Variants in DLG2 observed in about 807,000 individuals in gnomAD.
DLG2 encodes the protein discs large MAGUK scaffold protein 2.
In DLG2, 45 loss-of-function variants were observed where a neutral mutation model predicts 132.5. The ratio of observed to expected loss-of-function variants is 0.34; its 90% confidence interval spans 0.27 to 0.44. The LOEUF (loss-of-function observed/expected upper bound fraction) is 0.44. DLG2 is among the 20% of genes least tolerant of loss of function. The pLI, the probability that DLG2 is intolerant of heterozygous loss-of-function variation, is 1.00. For missense variants in DLG2, 1,045 were observed against 1,196.9 expected, an observed-to-expected ratio of 0.87 and a Z score of 1.87; for synonymous variants, 424 against 419.6, an observed-to-expected ratio of 1.01 and a Z score of -0.13.
At chr11:84,191,847 A>T (rs545015475) in intron 8 of DLG2, among the ~76,000 whole-genome samples, 1 of 152,244 alleles carries the variant, frequency 6.6e-6, no homozygotes, top group Admixed American at 6.5e-5. Context: ...ACATTCTGTC[A>T]AACAACTGAA....
chr11:84,642,436 G>A (rs1165111316), intron 6 of DLG2, among the ~76,000 whole-genome samples: 1 of 151,974 alleles, frequency 6.6e-6, no homozygotes, highest in Admixed American at 6.6e-5. Flanking sequence ...ATTTTAAAGT[G>A]ACGGAAAGAG....
intron 6 of DLG2, among the ~76,000 whole-genome samples, chr11:84,777,799 ATTAT>A (rs1250359109): frequency 6.6e-6 from 1 of 151,338 alleles, no homozygotes; most frequent in African/African-American, 2.4e-5. Flanking sequence ...TTTTAATGGG[ATTAT>A]TTGTTGATTT....
At chr11:85,485,820 C>T (rs748803522) in intron 3 of DLG2, among the ~76,000 whole-genome samples, 7 of 152,154 alleles carry the variant, frequency 4.6e-5, no homozygotes, top group Non-Finnish European at 8.8e-5. Context: ...GGTATCTGAG[C>T]CCTGAGCAGC....
intron 7 of DLG2, among the ~76,000 whole-genome samples, chr11:84,269,378 T>C (rs1203806493): frequency 6.6e-6 from 1 of 152,258 alleles, no homozygotes; most frequent in Non-Finnish European, 1.5e-5. Context: ...CCTTTTCTGT[T>C]TCCTCCACTT....
At chr11:83,462,201 G>T in intron 26 of DLG2, 108 bp from the exon 27 acceptor site, 3 of 747,012 alleles carry the variant, frequency 4.0e-6, no homozygotes, top group Non-Finnish European at 6.9e-6. Flanking sequence ...TGTAATCTTA[G>T]CAACAGGTTT....
At chr11:84,215,585 C>T (rs1217527829) in intron 8 of DLG2, among the ~76,000 whole-genome samples, 15 of 152,054 alleles carry the variant, frequency 9.9e-5, no homozygotes, top group Non-Finnish European at 1.5e-5. Context: ...TTCAAAGGAG[C>T]TAGGAAATGT....
chr11:83,980,533 C>A lies in DLG2; in HGVS notation c.1029G>T (p.Arg343Ser). The change falls in exon 12 of 28, where the codon AGG becomes AGT. Residue 343 changes from arginine to serine, a missense_variant. Physicochemically the swap from Arg to Ser is moderately radical, Grantham distance 110. Transcript: ENST00000376104. The stretch of plus-strand genomic sequence containing the variant: ...TTAGTAGTCTATCTCCTACTTGCAA[C>A]CTTCCATCTTTTTGTGCAGCTCCTC... Reference protein sequence around the residue: ...IDGGAAQKDGRLQVGDRLLMV... With the variant: ...IDGGAAQKDGSLQVGDRLLMV... The A allele has an allele frequency of 6.2e-7, 1 of 1,613,702 alleles. No homozygotes were observed. The highest frequency in any genetic ancestry group is 8.5e-7 in the Non-Finnish European group (1 of 1,179,800).
At chr11:84,503,437 A>G (rs78854143) in intron 7 of DLG2, among the ~76,000 whole-genome samples, 2,132 of 152,270 alleles carry the variant, frequency 0.014, 38 homozygotes, top group African/African-American at 0.045. Context: ...ATTCAATGTC[A>G]AAATTAAACT....
At chr11:84,006,557 A>G (rs943929606) in intron 11 of DLG2, among the ~76,000 whole-genome samples, 4 of 151,510 alleles carry the variant, frequency 2.6e-5, no homozygotes, top group African/African-American at 9.7e-5. Context: ...AGTATTTACG[A>G]TAAATACTTA....
At chr11:85,033,761 G>T (rs999526996) in intron 6 of DLG2, among the ~76,000 whole-genome samples, 2 of 152,166 alleles carry the variant, frequency 1.3e-5, no homozygotes, top group African/African-American at 4.8e-5. Context: ...TTGCTTGAAG[G>T]ATGAATACAT....
intron 6 of DLG2, among the ~76,000 whole-genome samples, chr11:85,028,666 A>G (rs951747057): frequency 3.3e-5 from 5 of 152,102 alleles, no homozygotes; most frequent in Admixed American, 1.3e-4. Context: ...TTTGCTCTAA[A>G]ATCAGAGTGG....
chr11:84,744,859 G>A (rs2153828131), intron 6 of DLG2, among the ~76,000 whole-genome samples: 1 of 135,228 alleles, frequency 7.4e-6, no homozygotes, highest in East Asian at 2.3e-4. Context: ...AACTACGAAA[G>A]TTTCTGCTCT....
intron 6 of DLG2, among the ~76,000 whole-genome samples, chr11:85,016,513 T>C (rs2059590006): frequency 6.6e-6 from 1 of 152,142 alleles, no homozygotes; most frequent in Non-Finnish European, 1.5e-5. Flanking sequence ...TTACTGTGAT[T>C]CTTCAGGTGC....
chr11:84,963,722 C>T (rs1187077406), intron 6 of DLG2, among the ~76,000 whole-genome samples: 1 of 152,144 alleles, frequency 6.6e-6, no homozygotes, highest in Non-Finnish European at 1.5e-5. Context: ...AAAATAAGTG[C>T]TCAATAAAAG....
chr11:85,430,316 G>A (rs1447449209), intron 3 of DLG2, among the ~76,000 whole-genome samples: 7 of 150,824 alleles, frequency 4.6e-5, no homozygotes, highest in South Asian at 2.1e-4. Context: ...ACTAACCTGC[G>A]CGTTGTGCAC....
chr11:83,690,123 TATAAC>T (rs1266925324), intron 18 of DLG2, among the ~76,000 whole-genome samples: 15 of 149,650 alleles, frequency 1.0e-4, no homozygotes, highest in African/African-American at 2.7e-4. Context: ...CTATAAAACA[TATAAC>T]AAAACAGAAA....
At chr11:84,345,607 G>GAA (rs994407587) in intron 7 of DLG2, among the ~76,000 whole-genome samples, 13 of 152,260 alleles carry the variant, frequency 8.5e-5, no homozygotes, top group Admixed American at 3.9e-4. Context: ...ATATTGAAGT[G>GAA]AAGATGGTGT....
intron 7 of DLG2, among the ~76,000 whole-genome samples, chr11:84,477,926 T>C (rs527616789): frequency 6.6e-6 from 1 of 152,196 alleles, no homozygotes; most frequent in South Asian, 2.1e-4. Context: ...CAATTTTATG[T>C]GTATTACATG....
chr11:84,896,264 G>C (rs11234230), intron 6 of DLG2, among the ~76,000 whole-genome samples: 42,282 of 151,914 alleles, frequency 0.28, 6,363 homozygotes, highest in Middle Eastern at 0.34. Context: ...ACAACGAGCA[G>C]AGGGTCCACT....
Sources: gnomAD v4.1 joint callset for allele counts (sites outside exome capture counted in the v4.1 genomes callset) on GRCh38, gnomAD v4.1.1 for gene constraint, MANE v1.5 for transcripts, NCBI Gene and HGNC (gene_info 2026-07-23, HGNC 2026-07-21) for gene names.